Variants in RAG1 observed in about 807,000 individuals in gnomAD.
RAG1 encodes V(D)J recombination-activating protein 1.
Under a neutral mutation model 62.7 loss-of-function variants are expected in RAG1, and 35 were observed. The ratio of observed to expected loss-of-function variants is 0.56; its 90% CI spans 0.43 to 0.74. The LOEUF (loss-of-function observed/expected upper bound fraction) is 0.74, where lower values mean the gene tolerates loss of function less well. Among genes scored for constraint, RAG1 ranks in the 30% least tolerant of loss-of-function variants. The probability of loss-of-function intolerance (pLI) is 0.00; values close to 1 mark genes in which losing one functional copy is unlikely to be tolerated. For missense variants in RAG1, 1,169 were observed against 1,278.6 expected, an observed-to-expected ratio of 0.91 and a Z score of 1.31; for synonymous variants, 461 against 470.3, an observed-to-expected ratio of 0.98 and a Z score of 0.26.
At chr11:36,537,733 C>G (rs1376068845), downstream of RAG1, among the ~76,000 whole-genome samples, 1 of 152,144 alleles carries the variant, frequency 6.6e-6, no homozygotes, top group African/African-American at 2.4e-5. Flanking sequence ...CTCTGGAAAA[C>G]TGACTTTAAT....
rs755307891 is a variant in RAG1, at chr11:36,576,324, A to G, written c.3020A>G (p.Asn1007Ser). ...YTSKYLQKFM[N>S]AHNALKTSGF... ...TCCAAATACCTCCAGAAGTTTATGA[A>G]TGCTCATAATGCATTAAAAACCTCT... The change falls in exon 2 of 2, where the codon AAT (asparagine) becomes AGT (serine). Residue 1007 changes from asparagine to serine, a missense_variant. Coordinates refer to ENST00000299440, the MANE Select transcript of RAG1 (RefSeq NM_000448.3). The G allele has an allele frequency of 1.9e-6, 3 of 1,614,066 alleles. No homozygotes were observed. The East Asian group carries it at 6.7e-5, about 36-fold the overall frequency.
intron 1 of RAG1, among the ~76,000 whole-genome samples, chr11:36,514,616 A>G (rs1859970780): frequency 6.6e-6 from 1 of 152,236 alleles, no homozygotes; most frequent in Non-Finnish European, 1.5e-5. Context: ...AGACAGTCCC[A>G]TCTGGGGGTG....
intron 3 of RAG1, among the ~76,000 whole-genome samples, chr11:36,559,057 T>C (rs1445204001): frequency 1.3e-5 from 2 of 152,200 alleles, no homozygotes; most frequent in Non-Finnish European, 2.9e-5. Flanking sequence ...CCTTTTTGCT[T>C]CTCTGGGAAA....
intron 3 of RAG1, among the ~76,000 whole-genome samples, chr11:36,551,320 AT>A (rs1397736388): frequency 6.6e-6 from 1 of 152,120 alleles, no homozygotes; most frequent in East Asian, 1.9e-4. Flanking sequence ...TAATGGCTAT[AT>A]TAGTTTTCTA....
intron 3 of RAG1, among the ~76,000 whole-genome samples, chr11:36,548,730 T>C (rs1387858250): frequency 6.6e-6 from 1 of 152,196 alleles, no homozygotes; most frequent in East Asian, 1.9e-4. Flanking sequence ...GCTATCCCCA[T>C]CAAGCTACCA....
intron 1 of RAG1, among the ~76,000 whole-genome samples, chr11:36,518,346 G>A (rs1001863414): frequency 2.0e-5 from 3 of 152,124 alleles, no homozygotes; most frequent in Admixed American, 2.0e-4. Flanking sequence ...AATCCTTTGG[G>A]TATATACCCA....
At chr11:36,572,579 G>A (rs548561623) in intron 1 of RAG1, among the ~76,000 whole-genome samples, 8 of 152,288 alleles carry the variant, frequency 5.3e-5, no homozygotes, top group Admixed American at 3.9e-4. Context: ...ACTCAGGTTT[G>A]TTGCAGGTTT....
At chr11:36,549,104 C>T (rs1850444214) in intron 3 of RAG1, among the ~76,000 whole-genome samples, 1 of 152,178 alleles carries the variant, frequency 6.6e-6, no homozygotes, top group Non-Finnish European at 1.5e-5. Context: ...CTTCCTTACA[C>T]CTTATACAAA....
chr11:36,544,890 T>A (rs965531610), intron 3 of RAG1, among the ~76,000 whole-genome samples: 6 of 152,192 alleles, frequency 3.9e-5, no homozygotes, highest in African/African-American at 7.2e-5. Flanking sequence ...CAACCATGCT[T>A]CCCCTTTGCC....
At chr11:36,569,647 C>G (rs1004452420) in intron 1 of RAG1, among the ~76,000 whole-genome samples, 4 of 152,288 alleles carry the variant, frequency 2.6e-5, no homozygotes, top group Middle Eastern at 6.8e-3. Flanking sequence ...GTCTTTAAAA[C>G]AGTTTTATCC....
intron 3 of RAG1, among the ~76,000 whole-genome samples, chr11:36,562,290 A>G (rs373815853): frequency 1.3e-4 from 20 of 152,324 alleles, no homozygotes; most frequent in African/African-American, 4.3e-4. Context: ...AGAGGAGTGG[A>G]TTTTGGAGGA....
intron 1 of RAG1, among the ~76,000 whole-genome samples, chr11:36,514,700 A>G (rs1201484156): frequency 6.6e-6 from 1 of 152,210 alleles, no homozygotes; most frequent in Non-Finnish European, 1.5e-5. Flanking sequence ...TCACATGTGC[A>G]GTTCACGAAA....
intron 2 of RAG1, among the ~76,000 whole-genome samples, chr11:36,525,298 G>C (rs977831086): frequency 5.3e-5 from 8 of 152,108 alleles, no homozygotes; most frequent in African/African-American, 1.9e-4. Context: ...TGTGATTACT[G>C]TAGCTATATA....
At chr11:36,531,647 G>A (rs949239537) in intron 2 of RAG1, among the ~76,000 whole-genome samples, 9 of 151,750 alleles carry the variant, frequency 5.9e-5, no homozygotes, top group Admixed American at 3.3e-4. Context: ...TGATGCTTTC[G>A]CCATCAAACA....
intron 1 of RAG1, among the ~76,000 whole-genome samples, chr11:36,517,077 T>G (rs1860006472): frequency 6.6e-6 from 1 of 152,182 alleles, no homozygotes; most frequent in Admixed American, 6.5e-5. Flanking sequence ...CAGGAGGAAG[T>G]GTCCCAAACT....
Position 36,575,925 on chromosome 11 carries a change from CT to C in RAG1, c.2623del (p.Ser875ProfsTer8). On this transcript the variant is annotated frameshift_variant, in exon 2 of 2. Transcript: ENST00000299440. LOFTEE classifies it high-confidence loss of function. This position sits in a 1 kb window ranked among gnomAD's most constrained non-coding sequence, Gnocchi z 4.1. ...ETVDAVCELI[P>X]SEERHEALRE... The stretch of plus-strand genomic sequence containing the variant: ...GTGGATGCAGTTTGTGAGTTAATTC[CT>C]TCCGAGGAGAGGCACGAGGCTCTGA... 4 of 1,614,154 alleles carry C rather than the reference CT, an allele frequency of 2.5e-6. No homozygotes were observed. Among genetic ancestry groups the C allele is most frequent in the Non-Finnish European group, 3.4e-6 (4 of 1,180,038 alleles).
chr11:36,569,484 G>A (rs1850707740), intron 1 of RAG1, among the ~76,000 whole-genome samples: 1 of 152,166 alleles, frequency 6.6e-6, no homozygotes, highest in African/African-American at 2.4e-5. Flanking sequence ...GCTGTCTACA[G>A]GTCCATATTT....
rs1367642076 is a variant in RAG1, at chr11:36,516,248, A to G, written n.331-3884A>G. ...TGAATTGCTTTTGTCTGATTTGCCT[A>G]TATGTTTCTTGTGAGCCGAGTTAGT... On this transcript the variant is annotated intron_variant and non_coding_transcript_variant, in intron 1 of 2. Transcript: ENST00000529126. Among the ~76,000 whole-genome samples, 10 of 152,338 alleles carry G rather than the reference A, an allele frequency of 6.6e-5. No homozygotes were observed. The East Asian group carries it at 9.6e-4, about 15-fold the overall frequency.
chr11:36,546,055 C>G (rs1850387675), intron 3 of RAG1, among the ~76,000 whole-genome samples: 1 of 152,248 alleles, frequency 6.6e-6, no homozygotes, highest in South Asian at 2.1e-4. Context: ...AATGTATAGT[C>G]TGTTGATTTG....
Sources: allele counts gnomAD v4.1 joint callset (sites outside exome capture counted in the v4.1 genomes callset), GRCh38; gene constraint gnomAD v4.1.1; non-coding constraint Gnocchi (gnomAD v3.1); transcripts MANE v1.5; gene names NCBI Gene and HGNC (gene_info 2026-07-23, HGNC 2026-07-21).